The following TOM1L2 variants were observed in gnomAD, a reference collection of about 807,000 sequenced individuals.
TOM1L2 encodes the protein target of myb1 like 2 membrane trafficking protein, also known as TOM1-like protein 2.
Under a neutral mutation model 67.9 loss-of-function variants are expected in TOM1L2, and 31 were observed. The ratio of observed to expected loss-of-function variants is 0.46; its 90% confidence interval spans 0.34 to 0.62. The LOEUF (loss-of-function observed/expected upper bound fraction) is 0.62. Ranked by LOEUF, TOM1L2 falls within the 20% of genes least tolerant of loss-of-function variation. The probability of loss-of-function intolerance (pLI) is 0.01; values close to 1 mark genes in which losing one functional copy is unlikely to be tolerated. For synonymous variants in TOM1L2, 256 were observed against 254.0 expected (o/e 1.01, Z -0.07); for missense variants, 606 against 663.5 (o/e 0.91, Z 0.95).
At chr17:17,926,854 T>A (rs910632831) in intron 1 of TOM1L2, among the ~76,000 whole-genome samples, 5 of 151,536 alleles carry the variant, frequency 3.3e-5, no homozygotes, top group African/African-American at 9.7e-5. Flanking sequence ...AGGGACTCTG[T>A]CTCAAAAAAA....
In TOM1L2 at chr17:17,972,187, G is replaced by A. The variant is rs2042134658; in HGVS notation, c.52+75C>T. 1.3e-6 allele frequency: 2 copies of A among 1,529,294 alleles called. 1 individual carries two copies. Among genetic ancestry groups the A allele is most frequent in the South Asian group, 2.4e-5 (2 of 83,372 alleles). 94.7% of individuals were successfully genotyped at this position (1,529,294 alleles called of 1,614,324 possible). A position where few individuals can be genotyped will look rare whatever the true frequency, so the allele number is the denominator to read the frequency against. ...GCTCGTGAAGTGGCACCGGCGCCCG[G>A]CGGAGGCCCGCGGTCCTCACCAGCC... On this transcript the variant is annotated intron_variant, in intron 1 of 14. Transcript: ENST00000379504.
At chr17:17,950,633 C>A (rs1164532970) in intron 1 of TOM1L2, among the ~76,000 whole-genome samples, 1 of 152,092 alleles carries the variant, frequency 6.6e-6, no homozygotes, top group Admixed American at 6.5e-5. Flanking sequence ...CAGGATCCTG[C>A]TAGAAGAATC....
chr17:17,912,549 G>T (rs1269052794), intron 1 of TOM1L2, among the ~76,000 whole-genome samples: 5 of 151,792 alleles, frequency 3.3e-5, no homozygotes, highest in African/African-American at 1.2e-4. Context: ...TCCCAGACGG[G>T]GCGGCGGGGC....
chr17:17,877,849 T>C (rs1210869173), intron 7 of TOM1L2, among the ~76,000 whole-genome samples: 1 of 151,716 alleles, frequency 6.6e-6, no homozygotes, highest in East Asian at 1.9e-4. Context: ...GAGATTAGGT[T>C]CTGTTTGTCT....
At position 17,847,618 on chromosome 17, in the gene TOM1L2, G is replaced by A. The variant is rs1291419216; in HGVS notation, c.*17C>T. ...GAGCGGGGACCCGCCATCTGGGGAG[G>A]CAAACCACAGAGCTGCTCACAGGGC... On this transcript the variant is annotated 3_prime_UTR_variant, in exon 15 of 15. Coordinates refer to ENST00000379504, the MANE Select transcript of TOM1L2 (RefSeq NM_001082968.2). 1.3e-6 allele frequency: 2 copies of A among 1,591,022 alleles called. No individual in the cohort carries two copies. The highest frequency in any genetic ancestry group is 2.2e-5 in the East Asian group (1 of 44,702).
At chr17:17,894,975 A>ACATGCATGCATGCATGCATG (rs34865538) in intron 3 of TOM1L2, among the ~76,000 whole-genome samples, 1 of 147,692 alleles carries the variant, frequency 6.8e-6, no homozygotes, top group Non-Finnish European at 1.5e-5. Flanking sequence ...ATACATACAT[A>ACATGCATGCATGCATGCATG]CATGCATGCA....
At chr17:17,961,644 C>G (rs1015443201) in intron 1 of TOM1L2, among the ~76,000 whole-genome samples, 5 of 151,988 alleles carry the variant, frequency 3.3e-5, no homozygotes, top group African/African-American at 1.2e-4. Context: ...GAGGCCGAGG[C>G]GGGCGCATCA....
At position 17,911,031 on chromosome 17, in the gene TOM1L2, C is replaced by T. The variant is rs752417986; in HGVS notation, c.53-3500G>A. 5.3e-5 allele frequency among the ~76,000 whole-genome samples: 8 copies of T among 152,286 alleles called. 1 individual carries two copies. In the South Asian group the frequency reaches 6.2e-4, roughly 12 times the overall value. ...ATATTTAACATCAAAGTGTAGAAAG[C>T]GGCAGCCAAAAAGCCAAGCCGCTGG... On this transcript the variant is annotated intron_variant, in intron 1 of 14. Transcript: ENST00000379504.
At chr17:17,890,203 A>G (rs184926314) in intron 4 of TOM1L2, among the ~76,000 whole-genome samples, 1 of 152,318 alleles carries the variant, frequency 6.6e-6, no homozygotes, top group African/African-American at 2.4e-5. Flanking sequence ...TGCTCTAATG[A>G]AGAAGATTGA....
chr17:17,932,134 A>G (rs1229381853), intron 1 of TOM1L2, among the ~76,000 whole-genome samples: 3 of 152,174 alleles, frequency 2.0e-5, no homozygotes, highest in Non-Finnish European at 2.9e-5. Context: ...TCATAAAACA[A>G]CCATAATTAC....
In TOM1L2 at chr17:17,853,414, A is replaced by G. The variant is rs575238899; in HGVS notation, c.1279-2462T>C. On this transcript the variant is annotated intron_variant, in intron 12 of 14. Coordinates refer to ENST00000379504, the MANE Select transcript of TOM1L2 (RefSeq NM_001082968.2). ...CTTAAACCTTCAGATTTTTCTTGTA[A>G]TTGTTTTGTTGCTGCTAAAGAACAA... Among the ~76,000 whole-genome samples the G allele has an allele frequency of 3.9e-5, 6 of 152,286 alleles. No individual in the cohort carries two copies. The South Asian group carries it at 1.2e-3, about 32-fold the overall frequency.
intron 4 of TOM1L2, among the ~76,000 whole-genome samples, chr17:17,885,881 C>T (rs1192332505): frequency 3.5e-5 from 5 of 141,984 alleles, no homozygotes; most frequent in Middle Eastern, 3.7e-3. Flanking sequence ...GCTGAGATGG[C>T]GCCACTGCAC....
intron 6 of TOM1L2, among the ~76,000 whole-genome samples, chr17:17,879,978 G>A (rs1317472323): frequency 1.3e-5 from 2 of 152,160 alleles, no homozygotes; most frequent in East Asian, 1.9e-4. Context: ...CTCTCTGACT[G>A]TGACACGAAA....
intron 1 of TOM1L2, among the ~76,000 whole-genome samples, chr17:17,964,909 C>T (rs943139940): frequency 6.6e-6 from 1 of 152,166 alleles, no homozygotes; most frequent in Non-Finnish European, 1.5e-5. Flanking sequence ...AGCAGGCTGA[C>T]GCCCCACGTG....
At chr17:17,914,596 A>G (rs2039549686) in intron 1 of TOM1L2, among the ~76,000 whole-genome samples, 1 of 152,132 alleles carries the variant, frequency 6.6e-6, no homozygotes, top group Non-Finnish European at 1.5e-5. Context: ...CACTTTCCCC[A>G]TCTTGTAGAC....
At chr17:17,956,891 C>G (rs2041481366) in intron 1 of TOM1L2, among the ~76,000 whole-genome samples, 1 of 152,220 alleles carries the variant, frequency 6.6e-6, no homozygotes. Flanking sequence ...GCGGCTCCGG[C>G]CTCGGCCAGC....
At chr17:17,936,015 ATGTCAC>A (rs1358973188) in intron 1 of TOM1L2, among the ~76,000 whole-genome samples, 2 of 152,086 alleles carry the variant, frequency 1.3e-5, no homozygotes, top group Non-Finnish European at 2.9e-5. Context: ...AAATCTCATC[ATGTCAC>A]TGGCCTGCAT....
intron 4 of TOM1L2, among the ~76,000 whole-genome samples, chr17:17,889,982 T>C (rs1035390632): frequency 4.5e-4 from 69 of 152,208 alleles, no homozygotes; most frequent in Middle Eastern, 6.8e-3. Flanking sequence ...TGAGAGCTGC[T>C]ACCAACTCAC....
intron 1 of TOM1L2, among the ~76,000 whole-genome samples, chr17:17,920,078 T>C (rs112141002): frequency 2.6e-4 from 40 of 152,200 alleles, no homozygotes; most frequent in African/African-American, 9.1e-4. Context: ...GTCCAGAGTA[T>C]TGGATGCAGC....
Sources: gnomAD v4.1 joint callset for allele counts (sites outside exome capture counted in the v4.1 genomes callset) on GRCh38, gnomAD v4.1.1 for gene constraint, MANE v1.5 for transcripts, NCBI Gene and HGNC (gene_info 2026-07-23, HGNC 2026-07-21) for gene names.